Variants in ARHGAP42 observed in about 807,000 individuals in gnomAD.
ARHGAP42 encodes the protein rho GTPase-activating protein 42.
A neutral mutation model predicts 125.0 loss-of-function variants in ARHGAP42; 63 were observed. The observed-to-expected ratio is 0.50, with a 90% CI of 0.41 to 0.62. The LOEUF is 0.62. Ranked by LOEUF, ARHGAP42 falls within the 20% of genes least tolerant of loss-of-function variation. The pLI is 0.00. For missense variants in ARHGAP42, 766 were observed against 1,024.2 expected (o/e 0.75, Z 3.44); for synonymous variants, 339 against 351.0 (o/e 0.97, Z 0.38).
Position 100,992,429 on chromosome 11 carries a change from G to A in ARHGAP42, c.*3628G>A. 6.2e-7 allele frequency: 1 copy of A among 1,614,060 alleles called. No homozygotes were observed. Among genetic ancestry groups the A allele is most frequent in the Non-Finnish European group, 8.5e-7 (1 of 1,179,956 alleles). Reference sequence around the variant, plus strand: ...CCCCTTGACTAAAGGTTTCCCCTTAGGGTACACATTGCTATTTAACTTTGC... The same window carrying A: ...CCCCTTGACTAAAGGTTTCCCCTTAAGGTACACATTGCTATTTAACTTTGC... On this transcript the variant is annotated 3_prime_UTR_variant, in exon 24 of 24. Transcript: ENST00000298815.
intron 4 of ARHGAP42, among the ~76,000 whole-genome samples, chr11:100,891,903 G>A (rs1866229171): frequency 6.6e-6 from 1 of 152,172 alleles, no homozygotes; most frequent in African/African-American, 2.4e-5. Flanking sequence ...TGATACTTGA[G>A]GCAGGTATTG....
chr11:100,901,881 A>G lies in ARHGAP42; in HGVS notation c.385-11571A>G, dbSNP rs184029777. ...CCCCTTGAGCTTCCCAGGTGAGGCA[A>G]TGCCCTGCCCTGCTTTGGCTCGCCC... On this transcript the variant is annotated intron_variant, in intron 4 of 23. Coordinates refer to ENST00000298815, the MANE Select transcript of ARHGAP42 (RefSeq NM_152432.4). 1.5e-3 allele frequency among the ~76,000 whole-genome samples: 231 copies of G among 152,332 alleles called. 1 individual carries two copies. The highest frequency in any genetic ancestry group is 5.1e-3 in the African/African-American group (210 of 41,580).
intron 4 of ARHGAP42, among the ~76,000 whole-genome samples, chr11:100,862,993 C>T (rs577618586): frequency 5.4e-4 from 79 of 146,950 alleles, no homozygotes; most frequent in African/African-American, 1.8e-3. Context: ...GCCAGGATCA[C>T]GCCATTTCAC....
chr11:100,834,471 G>T (rs1260360702), intron 3 of ARHGAP42, among the ~76,000 whole-genome samples: 1 of 152,154 alleles, frequency 6.6e-6, no homozygotes, highest in Non-Finnish European at 1.5e-5. Flanking sequence ...GCTTTAGTTT[G>T]TACAGTGAGA....
intron 3 of ARHGAP42, among the ~76,000 whole-genome samples, chr11:100,837,696 T>TTTTTTTTTTTTC (rs1864840210): frequency 7.5e-6 from 1 of 132,934 alleles, no homozygotes; most frequent in African/African-American, 2.8e-5. Flanking sequence ...TTTTTTTTTT[T>TTTTTTTTTTTTC]TAGTAAATAT....
intron 2 of ARHGAP42, among the ~76,000 whole-genome samples, chr11:100,786,215 A>G (rs985506413): frequency 9.2e-5 from 14 of 152,198 alleles, no homozygotes; most frequent in Non-Finnish European, 1.9e-4. Context: ...AAAACAAGGG[A>G]ACATCAGAAT....
At chr11:100,941,949 CA>C (rs1490408683) in intron 9 of ARHGAP42, 65 bp downstream of exon 9, 8 of 1,167,230 alleles carry the variant, frequency 6.9e-6, no homozygotes, top group Admixed American at 2.9e-5. Flanking sequence ...GGAATTAAAA[CA>C]AAAAAATCAC....
chr11:100,777,953 C>T (rs936547286), intron 2 of ARHGAP42, among the ~76,000 whole-genome samples: 8 of 151,970 alleles, frequency 5.3e-5, no homozygotes, highest in East Asian at 1.9e-4. Context: ...GAAGCCATGG[C>T]GGGAGGAATG....
At chr11:100,713,221 T>C (rs939772951) in intron 1 of ARHGAP42, among the ~76,000 whole-genome samples, 4 of 152,346 alleles carry the variant, frequency 2.6e-5, no homozygotes, top group Admixed American at 2.0e-4. Context: ...TGTAATGTTT[T>C]ATATACTATT....
At chr11:100,874,565 G>A (rs533149754) in intron 4 of ARHGAP42, among the ~76,000 whole-genome samples, 1 of 152,274 alleles carries the variant, frequency 6.6e-6, no homozygotes, top group African/African-American at 2.4e-5. Flanking sequence ...CAAGTGAAGG[G>A]CAGACTTCTG....
At chr11:100,924,130 T>C (rs1051506479) in intron 6 of ARHGAP42, among the ~76,000 whole-genome samples, 1 of 152,132 alleles carries the variant, frequency 6.6e-6, no homozygotes, top group African/African-American at 2.4e-5. Flanking sequence ...TAGTCTATTC[T>C]AGTTTTAGCC....
chr11:100,980,094 G>GT (rs1370271173), intron 22 of ARHGAP42, among the ~76,000 whole-genome samples: 2 of 152,006 alleles, frequency 1.3e-5, no homozygotes, highest in Non-Finnish European at 2.9e-5. Flanking sequence ...CATGTATTAG[G>GT]TTTTTTTAAC....
At position 100,992,808 on chromosome 11, in the gene ARHGAP42, AC is replaced by A; in HGVS notation, c.*4008del. ...TTACATAAGAATGTTGACAACATTCACAGTAAGCCATTGGCAGAAAATTGAT... is the reference window on the plus strand; with the variant it reads ...TTACATAAGAATGTTGACAACATTCAAGTAAGCCATTGGCAGAAAATTGAT... On this transcript the variant is annotated 3_prime_UTR_variant, in exon 24 of 24. Coordinates refer to ENST00000298815, the MANE Select transcript of ARHGAP42 (RefSeq NM_152432.4). 1 of 1,293,440 alleles carries A rather than the reference AC, an allele frequency of 7.7e-7. No individual in the cohort carries two copies. The highest frequency in any genetic ancestry group is 1.1e-6 in the Non-Finnish European group (1 of 938,622). The allele number at this position is 1,293,440 out of a possible 1,614,324, so 80.1% of individuals were successfully genotyped here. A position where few individuals can be genotyped will look rare whatever the true frequency, so the allele number is the denominator to read the frequency against.
At chr11:100,978,686 G>C (rs1485690476) in intron 21 of ARHGAP42, among the ~76,000 whole-genome samples, 5 of 152,172 alleles carry the variant, frequency 3.3e-5, no homozygotes, top group Admixed American at 1.3e-4. Context: ...GCTGGGAGCA[G>C]AGTAGAGAGA....
chr11:100,805,932 G>A (rs1429878673), intron 3 of ARHGAP42, among the ~76,000 whole-genome samples: 5 of 152,110 alleles, frequency 3.3e-5, no homozygotes, highest in African/African-American at 1.2e-4. Context: ...TATCAGCAAG[G>A]TCTTTATGAC....
rs551436232 is a variant in ARHGAP42 at position 100,948,891 on chromosome 11, G to A, written c.1122+356G>A. 8.7e-4 allele frequency among the ~76,000 whole-genome samples: 132 copies of A among 152,218 alleles called. 1 individual carries two copies. Among genetic ancestry groups the A allele is most frequent in the Non-Finnish European group, 1.5e-4 (10 of 67,998 alleles). The stretch of plus-strand genomic sequence containing the variant: ...CCTGTGCTAGGCATGTGATTAGAGT[G>A]ATGAACAAGGTTCAGGGTAAGAACT... On this transcript the variant is annotated intron_variant, in intron 11 of 23. Transcript: ENST00000298815.
At chr11:100,735,217 T>C (rs1862041262) in intron 1 of ARHGAP42, among the ~76,000 whole-genome samples, 1 of 152,206 alleles carries the variant, frequency 6.6e-6, no homozygotes, top group Non-Finnish European at 1.5e-5. Flanking sequence ...TACATATTCT[T>C]TTATGATTGC....
intron 12 of ARHGAP42, among the ~76,000 whole-genome samples, chr11:100,954,345 C>A (rs745775108): frequency 6.6e-6 from 1 of 152,094 alleles, no homozygotes; most frequent in Non-Finnish European, 1.5e-5. Flanking sequence ...ATTGACTTTC[C>A]GCTAATAAAA....
At chr11:100,866,270 A>G (rs1466757179) in intron 4 of ARHGAP42, among the ~76,000 whole-genome samples, 1 of 152,102 alleles carries the variant, frequency 6.6e-6, no homozygotes, top group Non-Finnish European at 1.5e-5. Flanking sequence ...TTTCCACCAC[A>G]TTTGCAGGAA....
Sources: allele counts gnomAD v4.1 joint callset (sites outside exome capture counted in the v4.1 genomes callset), GRCh38; gene constraint gnomAD v4.1.1; transcripts MANE v1.5; gene names NCBI Gene and HGNC (gene_info 2026-07-23, HGNC 2026-07-21).